Variants in FAM168A observed in about 807,000 individuals in gnomAD.
FAM168A encodes the protein family with sequence similarity 168 member A.
Under a neutral mutation model 28.5 loss-of-function variants are expected in FAM168A, and 3 were observed. The observed-to-expected ratio is 0.11, with a 90% CI of 0.05 to 0.27. The LOEUF is 0.27. Among genes scored for constraint, FAM168A ranks in the 10% least tolerant of loss-of-function variants. The pLI, the probability that FAM168A is intolerant of heterozygous loss-of-function variation, is 1.00. For missense variants in FAM168A, 222 were observed against 311.5 expected (o/e 0.71, Z 2.16); for synonymous variants, 122 against 124.2 (o/e 0.98, Z 0.12).
Position 73,507,614 on chromosome 11 carries a change from TA to T in FAM168A, c.-18-39123del, listed in dbSNP as rs139253085. Among the ~76,000 whole-genome samples the T allele has an allele frequency of 2.4e-3, 365 of 151,022 alleles. 1 individual carries two copies. Among genetic ancestry groups the T allele is most frequent in the Non-Finnish European group, 3.7e-3 (249 of 67,696 alleles). ...AAACCTATGTGTGTAATCTTGAACC[TA>T]AAAAAAAAGTTAAAAAAAATTTCAA... On this transcript the variant is annotated intron_variant, in intron 1 of 7. Coordinates refer to ENST00000356467, the MANE Select transcript of FAM168A (RefSeq NM_015159.3).
chr11:73,548,020 T>A (rs767012422), intron 1 of FAM168A, among the ~76,000 whole-genome samples: 15 of 152,124 alleles, frequency 9.9e-5, no homozygotes, highest in Non-Finnish European at 1.6e-4. Flanking sequence ...TTACATGAGG[T>A]ATCTAAAGTA....
chr11:73,484,522 A>ATCCATATATCTATC (rs1182048611), intron 1 of FAM168A, among the ~76,000 whole-genome samples: 1 of 142,744 alleles, frequency 7.0e-6, no homozygotes, highest in African/African-American at 2.7e-5. Flanking sequence ...ATATAGATAT[A>ATCCATATATCTATC]TATATCTATA....
At chr11:73,509,268 T>C (rs796192278) in intron 1 of FAM168A, among the ~76,000 whole-genome samples, 2 of 152,262 alleles carry the variant, frequency 1.3e-5, no homozygotes, top group African/African-American at 4.8e-5. Flanking sequence ...ATTGTGAACT[T>C]GAGTATAAAG....
At chr11:73,488,456 A>G (rs1868083987) in intron 1 of FAM168A, among the ~76,000 whole-genome samples, 1 of 152,088 alleles carries the variant, frequency 6.6e-6, no homozygotes, top group Non-Finnish European at 1.5e-5. Context: ...ATGAAATCTG[A>G]CAATCATTCT....
chr11:73,440,238 T>C (rs1199308096), intron 2 of FAM168A, among the ~76,000 whole-genome samples: 1 of 152,180 alleles, frequency 6.6e-6, no homozygotes, highest in Admixed American at 6.5e-5. Flanking sequence ...GGGAAAAATC[T>C]TGCTCAGATT....
chr11:73,552,744 G>A (rs1590850341), intron 1 of FAM168A, among the ~76,000 whole-genome samples: 1 of 152,194 alleles, frequency 6.6e-6, no homozygotes, highest in South Asian at 2.1e-4. Flanking sequence ...ATCCCTTGAG[G>A]TCAGAAGTTC....
intron 1 of FAM168A, among the ~76,000 whole-genome samples, chr11:73,574,641 C>T (rs1944149212): frequency 6.6e-6 from 1 of 151,664 alleles, no homozygotes; most frequent in Non-Finnish European, 1.5e-5. Flanking sequence ...TGGCTCACTG[C>T]AACCTCTGCC....
chr11:73,512,834 C>T (rs1855251226), intron 1 of FAM168A, among the ~76,000 whole-genome samples: 1 of 152,108 alleles, frequency 6.6e-6, no homozygotes. Flanking sequence ...GGAAAGAAAA[C>T]AAGGCCTGGA....
intron 1 of FAM168A, among the ~76,000 whole-genome samples, chr11:73,532,259 T>C (rs1166560623): frequency 6.6e-6 from 1 of 152,158 alleles, no homozygotes; most frequent in Non-Finnish European, 1.5e-5. Flanking sequence ...TGTGTCTCTT[T>C]CCAAACAAAC....
intron 1 of FAM168A, among the ~76,000 whole-genome samples, chr11:73,481,481 GCTGCAGACAGA>G (rs201560874): frequency 1.7e-3 from 263 of 152,250 alleles, no homozygotes; most frequent in African/African-American, 6.2e-3. Flanking sequence ...GAAATGGATT[GCTGCAGACAGA>G]CTTTCTATAA....
chr11:73,516,163 T>C (rs1255382504), intron 1 of FAM168A, among the ~76,000 whole-genome samples: 3 of 151,978 alleles, frequency 2.0e-5, no homozygotes, highest in Non-Finnish European at 4.4e-5. Flanking sequence ...TTAAGATTTC[T>C]GGCTCTTTGG....
At chr11:73,476,539 C>A (rs1867891295) in intron 1 of FAM168A, among the ~76,000 whole-genome samples, 1 of 151,946 alleles carries the variant, frequency 6.6e-6, no homozygotes, top group East Asian at 1.9e-4. Context: ...GCAATACTGA[C>A]AAAATCATGA....
intron 1 of FAM168A, among the ~76,000 whole-genome samples, chr11:73,586,841 T>A (rs1737701068): frequency 6.6e-6 from 1 of 152,168 alleles, no homozygotes; most frequent in Non-Finnish European, 1.5e-5. Flanking sequence ...ATTTCACACC[T>A]TTCCTTAACC....
chr11:73,431,745 G>T (rs930220209), intron 2 of FAM168A, among the ~76,000 whole-genome samples: 10 of 151,578 alleles, frequency 6.6e-5, no homozygotes, highest in Non-Finnish European at 1.5e-4. Context: ...CAGTTTGGGG[G>T]ATTTTTTGAA....
chr11:73,572,764 GGAAA>G (rs1944119668), intron 1 of FAM168A, among the ~76,000 whole-genome samples: 1 of 151,238 alleles, frequency 6.6e-6, no homozygotes, highest in South Asian at 2.1e-4. Flanking sequence ...CCTCTGCCTA[GGAAA>G]ACCAGAGACC....
At chr11:73,550,414 G>A (rs914917318) in intron 1 of FAM168A, among the ~76,000 whole-genome samples, 2 of 152,198 alleles carry the variant, frequency 1.3e-5, no homozygotes, top group Non-Finnish European at 2.9e-5. Context: ...AGCACTTTGG[G>A]AGGCCCAAGG....
intron 4 of FAM168A, among the ~76,000 whole-genome samples, chr11:73,413,954 T>C (rs1191338584): frequency 6.6e-6 from 1 of 152,062 alleles, no homozygotes; most frequent in Non-Finnish European, 1.5e-5. Flanking sequence ...CCCCAGCTAC[T>C]TGGGAGGCTG....
chr11:73,528,779 T>A (rs1031444126), intron 1 of FAM168A, among the ~76,000 whole-genome samples: 4 of 152,102 alleles, frequency 2.6e-5, no homozygotes, highest in Non-Finnish European at 5.9e-5. Flanking sequence ...GGGAAAGGCA[T>A]AACTGACTCC....
intron 1 of FAM168A, among the ~76,000 whole-genome samples, chr11:73,587,372 A>G (rs1944328106): frequency 6.6e-6 from 1 of 151,972 alleles, no homozygotes. Flanking sequence ...GGCACCTGTA[A>G]TGGCAGCTAC....
Sources: gnomAD v4.1 joint callset for allele counts (sites outside exome capture counted in the v4.1 genomes callset) on GRCh38, gnomAD v4.1.1 for gene constraint, MANE v1.5 for transcripts, NCBI Gene and HGNC (gene_info 2026-07-23, HGNC 2026-07-21) for gene names.